The following PTPN21 variants were observed in gnomAD, a reference collection of about 807,000 sequenced individuals.
The protein encoded by PTPN21 is protein tyrosine phosphatase non-receptor type 21.
PTPN21 carries 77 observed loss-of-function variants against 131.8 expected under a neutral mutation model. That is an observed-to-expected ratio of 0.58 (90% CI 0.49 to 0.71). PTPN21 has a LOEUF of 0.71. PTPN21 is among the 30% of genes least tolerant of loss of function. The probability of loss-of-function intolerance (pLI) is 0.00; values close to 1 mark genes in which losing one functional copy is unlikely to be tolerated. For synonymous variants in PTPN21, 715 were observed against 621.3 expected (o/e 1.15, Z -2.24); for missense variants, 1,552 against 1,527.1 (o/e 1.02, Z -0.27).
At chr14:88,477,446 T>TCAAAA (rs369022409) in intron 13 of PTPN21, among the ~76,000 whole-genome samples, 47 of 76,352 alleles carry the variant, frequency 6.2e-4, no homozygotes, top group African/African-American at 1.5e-3. Context: ...AAGACTGTTC[T>TCAAAA]AAAAAAAAAA....
At chr14:88,491,422 C>G (rs2077822710) in intron 10 of PTPN21, among the ~76,000 whole-genome samples, 1 of 152,156 alleles carries the variant, frequency 6.6e-6, no homozygotes, top group Non-Finnish European at 1.5e-5. Context: ...CAGCCCAAAG[C>G]AGATGTCCAG....
intron 6 of PTPN21, among the ~76,000 whole-genome samples, chr14:88,502,324 C>T (rs816068): frequency 0.95 from 144,578 of 152,220 alleles, 68,983 homozygotes; most frequent in Non-Finnish European, 1. Context: ...TGTGACTCAC[C>T]TGTGGACCTG....
rs150736820 is a variant in PTPN21 at position 88,469,007 on chromosome 14, G to A, written c.3305C>T (p.Pro1102Leu). 3,060 of 1,614,190 alleles carry A rather than the reference G, an allele frequency of 1.9e-3. 5 individuals carry two copies. The highest frequency in any genetic ancestry group is 2.3e-3 in the Non-Finnish European group (2,757 of 1,180,036). The change falls in exon 18 of 19, where the codon CCT (proline) becomes CTT (leucine). Residue 1102 changes from proline to leucine, a missense_variant. Coordinates refer to ENST00000556564, the MANE Select transcript of PTPN21 (RefSeq NM_007039.4). The surrounding 1 kb of genome is among the most constrained non-coding windows in gnomAD (Gnocchi z 4.3). Reference sequence around the variant, plus strand: ...AGCACTGCAGTGGACCAACAACGGAGGGTTGGGGCTTTGGGGATCACTTGT... The same window carrying A: ...AGCACTGCAGTGGACCAACAACGGAAGGTTGGGGCTTTGGGGATCACTTGT... Reference protein sequence around the residue: ...NSTSDPQSPNPPLLVHCSAGV... With the variant: ...NSTSDPQSPNLPLLVHCSAGV...
rs80083454 is a variant in PTPN21 at position 88,499,978 on chromosome 14, A to G, written c.764+805T>C. ...AGCACATCGCTATATATTCTTTCCA[A>G]CTTGCTTCACATTCCAAGATTTCCA... is the stretch of plus-strand genomic sequence containing the variant. On this transcript the variant is annotated intron_variant, in intron 8 of 18. Transcript: ENST00000556564. Among the ~76,000 whole-genome samples the G allele has an allele frequency of 2.0e-4, 31 of 152,318 alleles. No individual in the cohort carries two copies. In the East Asian group the frequency reaches 6.0e-3, roughly 29 times the overall value.
chr14:88,472,307 C>G lies in PTPN21; in HGVS notation c.2808G>C (p.Val936=). 1.2e-6 allele frequency: 2 copies of G among 1,613,954 alleles called. No individual in the cohort carries two copies. The highest frequency in any genetic ancestry group is 2.2e-5 in the South Asian group (2 of 91,066). The change falls in exon 15 of 19, where the codon GTG becomes GTC. Residue 936 remains valine, a synonymous_variant. Coordinates refer to ENST00000556564, the MANE Select transcript of PTPN21 (RefSeq NM_007039.4). ...RFQDVLPYDD[V]RVELVPTKEN... is the part of the protein sequence containing the mutation. Reference sequence around the variant, plus strand: ...CTTTAGTTGGGACCAACTCCACTCTCACATCATCATAAGGAAGAACATCTT... The same window carrying G: ...CTTTAGTTGGGACCAACTCCACTCTGACATCATCATAAGGAAGAACATCTT...
intron 10 of PTPN21, among the ~76,000 whole-genome samples, chr14:88,491,709 ACAGAATGAAT>A (rs2077826689): frequency 6.6e-6 from 1 of 152,262 alleles, no homozygotes; most frequent in South Asian, 2.1e-4. Flanking sequence ...TTAGTTCCCT[ACAGAATGAAT>A]CATAAGTAAT....
chr14:88,480,278 G>A lies in PTPN21; in HGVS notation c.1153C>T (p.Leu385Phe), dbSNP rs2401751. 539,641 of 1,613,658 alleles carry A rather than the reference G, an allele frequency of 0.33. 91,718 individuals carry two copies. The highest frequency in any genetic ancestry group is 0.39 in the South Asian group (35,581 of 91,060). The change falls in exon 13 of 19, where the codon CTC becomes TTC. Residue 385 changes from leucine (L) to phenylalanine (F), a missense_variant. By Grantham distance (22) the Leu-to-Phe change is conservative. Around this residue, in one of 4 missense-constraint regions of PTPN21, gnomAD observed 1,016 missense variants for 883.5 expected, o/e 1.15. Coordinates refer to ENST00000556564, the MANE Select transcript of PTPN21 (RefSeq NM_007039.4). The stretch of plus-strand genomic sequence containing the variant: ...CTGCCATTACGGATCCGACCGTTGA[G>A]GTCAATCTGGGCTCTATCCAAGCTT... ...QTSLDRAQIDLNGRIRNGSVY... is the reference protein window; with the variant it reads ...QTSLDRAQIDFNGRIRNGSVY...
intron 2 of PTPN21, among the ~76,000 whole-genome samples, chr14:88,537,882 T>C (rs1595413005): frequency 6.6e-6 from 1 of 152,312 alleles, no homozygotes; most frequent in African/African-American, 2.4e-5. Context: ...AGCACATTAC[T>C]GTAGTGAATA....
intron 8 of PTPN21, among the ~76,000 whole-genome samples, chr14:88,498,284 C>A (rs192757149): frequency 1.4e-4 from 21 of 149,694 alleles, no homozygotes; most frequent in African/African-American, 4.7e-4. Context: ...TCAAAAAAAA[C>A]CAAAACAGAA....
chr14:88,471,345 G>A (rs2077464156), intron 15 of PTPN21, among the ~76,000 whole-genome samples: 1 of 152,172 alleles, frequency 6.6e-6, no homozygotes, highest in African/African-American at 2.4e-5. Flanking sequence ...GTACAATGAG[G>A]AAGAGGGAAC....
At chr14:88,533,382 G>A (rs974193326) in intron 2 of PTPN21, among the ~76,000 whole-genome samples, 2 of 152,194 alleles carry the variant, frequency 1.3e-5, no homozygotes, top group African/African-American at 4.8e-5. Context: ...ACATAGTGAT[G>A]TTGTAGTTGC....
At chr14:88,530,099 C>G (rs1044685834) in intron 2 of PTPN21, among the ~76,000 whole-genome samples, 1 of 152,078 alleles carries the variant, frequency 6.6e-6, no homozygotes, top group Non-Finnish European at 1.5e-5. Flanking sequence ...ACTCTACAAG[C>G]CAGAAGGCAT....
At chr14:88,545,719 T>C (rs2078766903) in intron 2 of PTPN21, among the ~76,000 whole-genome samples, 3 of 152,194 alleles carry the variant, frequency 2.0e-5, no homozygotes, top group African/African-American at 7.2e-5. Context: ...TCCCAGCACT[T>C]TGGGAGACCG....
chr14:88,552,601 A>G (rs1212621703), intron 1 of PTPN21: 1 of 152,342 alleles, frequency 6.6e-6, no homozygotes, highest in Admixed American at 6.5e-5. Flanking sequence ...GGGGAAGGCC[A>G]GAAGAAAAAA....
intron 8 of PTPN21, 61 bp downstream of exon 8, chr14:88,500,722 C>A: frequency 2.6e-6 from 3 of 1,172,122 alleles, no homozygotes; most frequent in Admixed American, 3.4e-5. Flanking sequence ...GCTGTAAGTA[C>A]TAAAAAATGT....
chr14:88,514,621 C>T (rs2078237847), intron 3 of PTPN21, among the ~76,000 whole-genome samples: 1 of 151,988 alleles, frequency 6.6e-6, no homozygotes, highest in Non-Finnish European at 1.5e-5. Context: ...TGTGCCACCA[C>T]ACCTGACATA....
intron 2 of PTPN21, among the ~76,000 whole-genome samples, chr14:88,522,553 G>A (rs2078412657): frequency 6.6e-6 from 1 of 151,914 alleles, no homozygotes; most frequent in Non-Finnish European, 1.5e-5. Context: ...GTCAAGGATA[G>A]ATTGTTTACA....
intron 2 of PTPN21, among the ~76,000 whole-genome samples, chr14:88,530,265 A>T (rs1223995894): frequency 7.4e-6 from 1 of 135,254 alleles, no homozygotes; most frequent in Non-Finnish European, 1.8e-5. Flanking sequence ...ACTACAAAAA[A>T]TGCTGAAAGG....
At chr14:88,534,209 G>A (rs1268913688) in intron 2 of PTPN21, among the ~76,000 whole-genome samples, 1 of 145,312 alleles carries the variant, frequency 6.9e-6, no homozygotes, top group South Asian at 2.3e-4. Flanking sequence ...ACCCACCTCT[G>A]CTAAAAATTA....
Sources: allele counts gnomAD v4.1 joint callset (sites outside exome capture counted in the v4.1 genomes callset), GRCh38; gene constraint gnomAD v4.1.1; regional missense constraint gnomAD v4.1.1; non-coding constraint Gnocchi (gnomAD v3.1); transcripts MANE v1.5; gene names NCBI Gene and HGNC (gene_info 2026-07-23, HGNC 2026-07-21).